MARCHF8: variants seen among roughly 807,000 people sequenced by gnomAD.
The protein encoded by MARCHF8 is membrane associated ring-CH-type finger 8, also known as E3 ubiquitin-protein ligase MARCHF8.
Under a neutral mutation model 51.6 loss-of-function variants are expected in MARCHF8, and 40 were observed. The ratio of observed to expected loss-of-function variants is 0.77; its 90% CI spans 0.60 to 1.01. MARCHF8 has a LOEUF of 1.01. Among genes scored for constraint, MARCHF8 ranks in the 50% least tolerant of loss-of-function variants. The pLI, the probability that MARCHF8 is intolerant of heterozygous loss-of-function variation, is 0.00. For missense variants in MARCHF8, 685 were observed against 708.6 expected, an observed-to-expected ratio of 0.97 and a Z score of 0.38; for synonymous variants, 263 against 280.3, an observed-to-expected ratio of 0.94 and a Z score of 0.62.
chr10:45,525,778 T>G (rs2043781959), intron 2 of MARCHF8, among the ~76,000 whole-genome samples: 1 of 152,210 alleles, frequency 6.6e-6, no homozygotes, highest in South Asian at 2.1e-4. Flanking sequence ...CCTATAACCC[T>G]AGTCTAGTCA....
chr10:45,582,837 A>G (rs146947462), intron 1 of MARCHF8, among the ~76,000 whole-genome samples: 236 of 152,364 alleles, frequency 1.5e-3, no homozygotes, highest in African/African-American at 5.3e-3. Context: ...AAAAATACAT[A>G]AGAAAGGAAA....
At chr10:45,494,660 G>A (rs567757276) in intron 2 of MARCHF8, among the ~76,000 whole-genome samples, 2 of 152,294 alleles carry the variant, frequency 1.3e-5, no homozygotes, top group East Asian at 1.9e-4. Context: ...AAAACATTTT[G>A]CTTTCCTGAT....
rs538689700 is a variant in MARCHF8, at chr10:45,524,535, T to C, written c.102+8575A>G. ...GAAGCCACGCAAATGATCTCACAGATGGTGATGCCTAACCAGACAGTAATC... is the reference window on the plus strand; with the variant it reads ...GAAGCCACGCAAATGATCTCACAGACGGTGATGCCTAACCAGACAGTAATC... On this transcript the variant is annotated intron_variant, in intron 2 of 7. Coordinates refer to ENST00000453424, the MANE Select transcript of MARCHF8 (RefSeq NM_001282866.2). Among the ~76,000 whole-genome samples, 6 of 152,332 alleles carry C rather than the reference T, an allele frequency of 3.9e-5. No homozygotes were observed. The South Asian group carries it at 1.0e-3, about 26-fold the overall frequency.
At chr10:45,569,419 C>A (rs1278876799) in intron 1 of MARCHF8, among the ~76,000 whole-genome samples, 1 of 152,126 alleles carries the variant, frequency 6.6e-6, no homozygotes, top group African/African-American at 2.4e-5. Flanking sequence ...TCTGCATATG[C>A]TGAAGCATCC....
intron 2 of MARCHF8, among the ~76,000 whole-genome samples, chr10:45,511,488 G>A (rs1412607614): frequency 1.3e-5 from 2 of 152,040 alleles, no homozygotes; most frequent in African/African-American, 4.8e-5. Context: ...CTGCCATCTC[G>A]GCTCACTGCA....
At chr10:45,507,198 C>A (rs1161639640) in intron 2 of MARCHF8, among the ~76,000 whole-genome samples, 1 of 151,946 alleles carries the variant, frequency 6.6e-6, no homozygotes, top group Non-Finnish European at 1.5e-5. Flanking sequence ...CAGGCAGGTA[C>A]AACACTACGT....
intron 1 of MARCHF8, among the ~76,000 whole-genome samples, chr10:45,546,502 C>T (rs1820844285): frequency 6.6e-6 from 1 of 151,988 alleles, no homozygotes; most frequent in African/African-American, 2.4e-5. Context: ...ATAAAGCAGG[C>T]CAGGAGTGGT....
At chr10:45,521,440 C>T (rs752622809) in intron 2 of MARCHF8, among the ~76,000 whole-genome samples, 2 of 152,138 alleles carry the variant, frequency 1.3e-5, no homozygotes, top group Admixed American at 1.3e-4. Context: ...CGAAAACTAG[C>T]TGCTCAGAAA....
In MARCHF8 at chr10:45,462,774, C is replaced by T. The variant is rs550420130; in HGVS notation, c.1088+377G>A. 2.8e-4 allele frequency among the ~76,000 whole-genome samples: 43 copies of T among 152,070 alleles called. No homozygotes were observed. The East Asian group carries it at 6.4e-3, about 23-fold the overall frequency. The stretch of plus-strand genomic sequence containing the variant: ...CTGAGTAGCTGGGATTACAGGCGCC[C>T]GCCACCACGCCCGGCTAATTTTTGT... On this transcript the variant is annotated intron_variant, in intron 5 of 7. Coordinates refer to ENST00000453424, the MANE Select transcript of MARCHF8 (RefSeq NM_001282866.2).
Position 45,555,409 on chromosome 10 carries a change from C to T in MARCHF8, c.-78-22120G>A, listed in dbSNP as rs527912833. 2.0e-5 allele frequency among the ~76,000 whole-genome samples: 3 copies of T among 151,988 alleles called. No individual in the cohort carries two copies. In the East Asian group the frequency reaches 5.8e-4, roughly 29 times the overall value. On this transcript the variant is annotated intron_variant, in intron 1 of 6. Coordinates refer to the MARCHF8 transcript ENST00000319836. Reference sequence around the variant, plus strand: ...ATGTAATTAACTCATTAAAGAATAACTGCAATGAACTTAAGAAATCATCAA... The same window carrying T: ...ATGTAATTAACTCATTAAAGAATAATTGCAATGAACTTAAGAAATCATCAA...
intron 3 of MARCHF8, among the ~76,000 whole-genome samples, chr10:45,479,999 T>A (rs1036299285): frequency 6.6e-6 from 1 of 152,168 alleles, no homozygotes; most frequent in Non-Finnish European, 1.5e-5. Context: ...AAAATACTGA[T>A]CATGATATGG....
chr10:45,557,328 C>T (rs2044263512), intron 1 of MARCHF8, among the ~76,000 whole-genome samples: 1 of 151,618 alleles, frequency 6.6e-6, no homozygotes, highest in South Asian at 2.1e-4. Context: ...GGGGTTTTGC[C>T]ACGTTGGCCA....
intron 3 of MARCHF8, among the ~76,000 whole-genome samples, chr10:45,477,962 T>C (rs1195654429): frequency 6.6e-6 from 1 of 152,200 alleles, no homozygotes; most frequent in Non-Finnish European, 1.5e-5. Context: ...TTCAGTATAA[T>C]AATAGCTGAG....
intron 1 of MARCHF8, among the ~76,000 whole-genome samples, chr10:45,567,593 G>A (rs914110628): frequency 3.9e-5 from 6 of 152,104 alleles, no homozygotes; most frequent in African/African-American, 1.4e-4. Context: ...CTGTACGTGT[G>A]TGGATTTATT....
At chr10:45,569,891 A>G (rs1252468838) in intron 1 of MARCHF8, among the ~76,000 whole-genome samples, 1 of 152,234 alleles carries the variant, frequency 6.6e-6, no homozygotes, top group Non-Finnish European at 1.5e-5. Context: ...TATGTCTACA[A>G]GAGATACCTT....
At chr10:45,501,701 T>C (rs1364662571) in intron 2 of MARCHF8, among the ~76,000 whole-genome samples, 1 of 152,074 alleles carries the variant, frequency 6.6e-6, no homozygotes, top group African/African-American at 2.4e-5. Context: ...AGGCTGAAGA[T>C]AAAAGCTATA....
chr10:45,470,455 G>A (rs1193873977), intron 3 of MARCHF8, among the ~76,000 whole-genome samples: 2 of 152,166 alleles, frequency 1.3e-5, no homozygotes, highest in Non-Finnish European at 2.9e-5. Context: ...ACCAGTCAGA[G>A]AACGTTCTCT....
chr10:45,584,069 A>C (rs12761573), intron 1 of MARCHF8, among the ~76,000 whole-genome samples: 6,638 of 141,406 alleles, frequency 0.047, 247 homozygotes, highest in Non-Finnish European at 0.062. Flanking sequence ...TCTATATAGT[A>C]AAACAGGGAA....
chr10:45,457,998 T>G lies in MARCHF8; in HGVS notation c.*241A>C. 1 of 498,346 alleles carries G rather than the reference T, an allele frequency of 2.0e-6. No homozygotes were observed. The highest frequency in any genetic ancestry group is 3.5e-6 in the Non-Finnish European group (1 of 286,734). The allele number at this position is 498,346 out of a possible 1,614,324, so 30.9% of individuals were successfully genotyped here. A position where few individuals can be genotyped will look rare whatever the true frequency, so the allele number is the denominator to read the frequency against. On this transcript the variant is annotated 3_prime_UTR_variant, in exon 8 of 8. Coordinates refer to ENST00000453424, the MANE Select transcript of MARCHF8 (RefSeq NM_001282866.2). ...CAGGAACTCTGCTGGCTCCCCATGA[T>G]GTCATCATGGGGTCTTCCACTTTCC...
Sources: allele counts gnomAD v4.1 joint callset (sites outside exome capture counted in the v4.1 genomes callset), GRCh38; gene constraint gnomAD v4.1.1; transcripts MANE v1.5; gene names NCBI Gene and HGNC (gene_info 2026-07-23, HGNC 2026-07-21).